Variants in BFSP1 observed in about 807,000 individuals in gnomAD.
The protein encoded by BFSP1 is beaded filament structural protein 1.
BFSP1 carries 38 observed loss-of-function variants against 43.9 expected under a neutral mutation model. The observed-to-expected ratio is 0.87, with a 90% CI of 0.67 to 1.14. The LOEUF (loss-of-function observed/expected upper bound fraction) is 1.14. BFSP1 is among the 50% of genes most tolerant of loss of function. BFSP1 has a pLI of 0.00. For synonymous variants in BFSP1, 352 were observed against 354.8 expected, an observed-to-expected ratio of 0.99 and a Z score of 0.09; for missense variants, 850 against 875.1, an observed-to-expected ratio of 0.97 and a Z score of 0.36.
At chr20:17,558,587 G>A (rs2123599036) in intron 1 of BFSP1, 1 of 1,299,400 alleles carries the variant, frequency 7.7e-7, no homozygotes, top group East Asian at 2.5e-5. Context: ...CAACCCGCTT[G>A]CTGTACCTTC....
intron 1 of BFSP1, among the ~76,000 whole-genome samples, chr20:17,543,756 T>C (rs904800143): frequency 6.6e-6 from 1 of 152,168 alleles, no homozygotes; most frequent in Non-Finnish European, 1.5e-5. Context: ...CAACTTGATA[T>C]GCTGTTGTAG....
chr20:17,500,942 T>G (rs1382638154), intron 5 of BFSP1, among the ~76,000 whole-genome samples: 1 of 152,200 alleles, frequency 6.6e-6, no homozygotes, highest in Non-Finnish European at 1.5e-5. Context: ...GCAGCCCTTC[T>G]GGAAGCCAGG....
intron 1 of BFSP1, among the ~76,000 whole-genome samples, chr20:17,539,213 C>T (rs187377277): frequency 6.9e-6 from 1 of 145,348 alleles, no homozygotes; most frequent in East Asian, 2.1e-4. Flanking sequence ...TGGGCTCAAG[C>T]GACTCACCCA....
At chr20:17,499,643 T>C (rs1157095234) in intron 5 of BFSP1, among the ~76,000 whole-genome samples, 7 of 152,066 alleles carry the variant, frequency 4.6e-5, no homozygotes, top group African/African-American at 1.7e-4. Context: ...AAACGAAACC[T>C]AGGCCAGGTG....
At chr20:17,499,947 C>T (rs976646371) in intron 5 of BFSP1, among the ~76,000 whole-genome samples, 1 of 151,998 alleles carries the variant, frequency 6.6e-6, no homozygotes, top group African/African-American at 2.4e-5. Flanking sequence ...AACTTGCTAT[C>T]GGTGGAATAA....
chr20:17,534,830 C>G (rs1035297962), upstream of BFSP1, among the ~76,000 whole-genome samples: 10 of 151,962 alleles, frequency 6.6e-5, no homozygotes, highest in African/African-American at 2.4e-4. Context: ...ACCAGCCTGG[C>G]CAACATGGTG....
At chr20:17,552,378 C>T (rs985357267) in intron 1 of BFSP1, among the ~76,000 whole-genome samples, 4 of 152,052 alleles carry the variant, frequency 2.6e-5, no homozygotes, top group Non-Finnish European at 5.9e-5. Flanking sequence ...GGATAGAGTG[C>T]GGGTCAGATG....
intron 1 of BFSP1, among the ~76,000 whole-genome samples, chr20:17,551,771 T>C (rs2034899128): frequency 6.6e-6 from 1 of 151,812 alleles, no homozygotes; most frequent in South Asian, 2.1e-4. Flanking sequence ...TCACCTGAGG[T>C]CAGGAGTTCA....
chr20:17,501,017 C>T (rs933583482), intron 5 of BFSP1, among the ~76,000 whole-genome samples: 8 of 152,292 alleles, frequency 5.3e-5, no homozygotes, highest in South Asian at 2.1e-4. Flanking sequence ...CCGGAGACTC[C>T]GCCTTGCTCA....
At chr20:17,508,379 G>A (rs2033991324) in intron 5 of BFSP1, among the ~76,000 whole-genome samples, 1 of 152,174 alleles carries the variant, frequency 6.6e-6, no homozygotes, top group African/African-American at 2.4e-5. Context: ...CCACCAACAC[G>A]TTTCTAACTA....
Position 17,494,167 on chromosome 20 carries a change from G to A in BFSP1, c.1905C>T (p.Ser635=), listed in dbSNP as rs1600624158. The change falls in exon 8 of 8, where the codon AGC becomes AGT. Residue 635 remains serine, a synonymous_variant. Transcript: ENST00000377873. ...CAGCGGTTTCTTCATATGTCTGAAT[G>A]CTCTCCGTGGAAATCTTCTCGATAG... The part of the protein sequence containing the change: ...VESIEKISTE[S]IQTYEETAVI... The A allele has an allele frequency of 6.2e-7, 1 of 1,614,080 alleles. No individual in the cohort carries two copies. The highest frequency in any genetic ancestry group is 8.5e-7 in the Non-Finnish European group (1 of 1,180,038).
chr20:17,514,412 A>C (rs1600651185), intron 3 of BFSP1, among the ~76,000 whole-genome samples: 1 of 152,308 alleles, frequency 6.6e-6, no homozygotes, highest in East Asian at 1.9e-4. Flanking sequence ...TCTGAGCGGA[A>C]ACAGTTGATG....
intron 1 of BFSP1, among the ~76,000 whole-genome samples, chr20:17,567,425 C>T (rs577631132): frequency 2.0e-5 from 3 of 152,234 alleles, no homozygotes; most frequent in East Asian, 3.9e-4. Context: ...TACAGAGCTA[C>T]AGTAATTGTA....
At chr20:17,496,227 T>C (rs1040934945) in intron 7 of BFSP1, among the ~76,000 whole-genome samples, 2 of 152,248 alleles carry the variant, frequency 1.3e-5, no homozygotes, top group African/African-American at 4.8e-5. Context: ...CCAACCATGT[T>C]GACTCTGGAA....
At chr20:17,545,947 G>A (rs1303128987) in intron 1 of BFSP1, among the ~76,000 whole-genome samples, 1 of 152,168 alleles carries the variant, frequency 6.6e-6, no homozygotes, top group Admixed American at 6.5e-5. Flanking sequence ...TTCTGAAAAT[G>A]TGCTACTCTG....
At chr20:17,557,984 T>C (rs970681565) in intron 1 of BFSP1, among the ~76,000 whole-genome samples, 3 of 152,278 alleles carry the variant, frequency 2.0e-5, no homozygotes, top group African/African-American at 7.2e-5. Flanking sequence ...CTTTGTTTCA[T>C]AAGAAATAAA....
At chr20:17,537,434 C>G (rs1306996906) in intron 1 of BFSP1, among the ~76,000 whole-genome samples, 1 of 152,114 alleles carries the variant, frequency 6.6e-6, no homozygotes, top group Non-Finnish European at 1.5e-5. Context: ...AAGGCTCTCT[C>G]TCCAACTAAC....
chr20:17,511,985 C>A lies in BFSP1; in HGVS notation c.618G>T (p.Gly206=). The part of the protein sequence containing the change: ...TTPPASIVTS[G]MREEKLLTER... ...CTGCTTCAATTCTTACCTCCCTCATCCCACTCGTCACAATGGATGCTGGAG... is the reference window on the plus strand; with the variant it reads ...CTGCTTCAATTCTTACCTCCCTCATACCACTCGTCACAATGGATGCTGGAG... Residue 206 remains glycine (G), a synonymous_variant, in exon 4 of 8, where the codon GGG becomes GGT. Transcript: ENST00000377873. 6.2e-7 allele frequency: 1 copy of A among 1,606,752 alleles called. No homozygotes were observed. Among genetic ancestry groups the A allele is most frequent in the Non-Finnish European group, 8.5e-7 (1 of 1,173,412 alleles).
upstream of BFSP1, among the ~76,000 whole-genome samples, chr20:17,534,821 C>T (rs1307182691): frequency 1.3e-5 from 2 of 152,022 alleles, no homozygotes; most frequent in African/African-American, 2.4e-5. Flanking sequence ...GAGTTCGAGA[C>T]CAGCCTGGCC....
Sources: allele counts gnomAD v4.1 joint callset (sites outside exome capture counted in the v4.1 genomes callset), GRCh38; gene constraint gnomAD v4.1.1; transcripts MANE v1.5; gene names NCBI Gene and HGNC (gene_info 2026-07-23, HGNC 2026-07-21).